Variants in OTOA observed in about 807,000 individuals in gnomAD.
The protein encoded by OTOA is otoancorin, also known as cancer/testis antigen 108.
In OTOA, 70 loss-of-function variants were observed where a neutral mutation model predicts 110.8. The ratio of observed to expected loss-of-function variants is 0.63; its 90% CI spans 0.52 to 0.77. The LOEUF is 0.77. Among genes scored for constraint, OTOA ranks in the 30% least tolerant of loss-of-function variants. OTOA has a pLI of 0.00. For missense variants in OTOA, 917 were observed against 1,075.8 expected (o/e 0.85, Z 2.06); for synonymous variants, 373 against 431.5 (o/e 0.86, Z 1.68).
chr16:21,702,519 C>G (rs1322782623), intron 11 of OTOA, among the ~76,000 whole-genome samples: 1 of 152,182 alleles, frequency 6.6e-6, no homozygotes, highest in East Asian at 1.9e-4. Context: ...CTGCTGCTTA[C>G]TAATGGTGTG....
intron 9 of OTOA, among the ~76,000 whole-genome samples, chr16:21,696,869 G>T (rs1339044678): frequency 6.6e-6 from 1 of 151,542 alleles, no homozygotes; most frequent in Non-Finnish European, 1.5e-5. Context: ...AAAATAACCT[G>T]CATTTCTTAT....
At chr16:21,713,865 A>G (rs1344540539) in intron 13 of OTOA, among the ~76,000 whole-genome samples, 1 of 152,184 alleles carries the variant, frequency 6.6e-6, no homozygotes, top group Non-Finnish European at 1.5e-5. Context: ...CTGGGGCTCC[A>G]TGGGTCCACC....
intron 21 of OTOA, among the ~76,000 whole-genome samples, chr16:21,733,648 G>C (rs1195637664): frequency 1.3e-5 from 2 of 150,010 alleles, no homozygotes; most frequent in Non-Finnish European, 3.0e-5. Context: ...CCCAAGTCTT[G>C]ACAAAGTGTA....
In OTOA at chr16:21,722,964, C is replaced by G; in HGVS notation, c.1866C>G (p.Leu622=). The G allele has an allele frequency of 6.2e-7, 1 of 1,614,134 alleles. No homozygotes were observed. Among genetic ancestry groups the G allele is most frequent in the South Asian group, 1.1e-5 (1 of 91,086 alleles). Reference sequence around the variant, plus strand: ...CCAGATTGTCTATGCCACCTTTCCTCTTGGCTGCACTCCCGTAAGTGAACA... The same window carrying G: ...CCAGATTGTCTATGCCACCTTTCCTGTTGGCTGCACTCCCGTAAGTGAACA... ...EVSRLSMPPF[L]LAALPARYLA... is the part of the protein sequence containing the mutation. Residue 622 remains leucine, a synonymous_variant, in exon 18 of 29, where the codon CTC becomes CTG. Transcript: ENST00000646100.
chr16:21,759,815 G>A (rs945721854), intron 28 of OTOA, among the ~76,000 whole-genome samples: 3 of 151,924 alleles, frequency 2.0e-5, no homozygotes, highest in African/African-American at 7.3e-5. Context: ...CAGAGGAATC[G>A]CTTGAACCTG....
intron 1 of OTOA, among the ~76,000 whole-genome samples, chr16:21,675,254 A>AT (rs2075583676): frequency 8.3e-6 from 1 of 120,470 alleles, no homozygotes; most frequent in Admixed American, 9.9e-5. Flanking sequence ...GGTTCAAGTG[A>AT]TTTTTGTGCC....
chr16:21,697,797 T>C lies in OTOA; in HGVS notation c.762T>C (p.Ser254=). 6.2e-7 allele frequency: 1 copy of C among 1,614,150 alleles called. No individual in the cohort carries two copies. Among genetic ancestry groups the C allele is most frequent in the Non-Finnish European group, 8.5e-7 (1 of 1,179,996 alleles). The change falls in exon 10 of 29, where the codon AGT becomes AGC. Residue 254 remains serine, a synonymous_variant. Coordinates refer to ENST00000646100, the MANE Select transcript of OTOA (RefSeq NM_144672.4). The part of the protein sequence containing the change: ...NATDDSASWV[S]AEHLWVLGRY... ...TAGATGACTCTGCTTCATGGGTCAG[T>C]GCGGAACACTTATGGGTTTTGGGCA... is the stretch of plus-strand genomic sequence containing the variant.
At chr16:21,695,215 T>C (rs1352425855) in intron 9 of OTOA, among the ~76,000 whole-genome samples, 3 of 120,550 alleles carry the variant, frequency 2.5e-5, no homozygotes, top group Admixed American at 9.6e-5. Flanking sequence ...GCCTGGGCAA[T>C]GTAGTGAGAC....
At chr16:21,678,420 A>G in intron 1 of OTOA, 91 bp from the exon 2 acceptor site, 1 of 782,148 alleles carries the variant, frequency 1.3e-6, no homozygotes, top group Middle Eastern at 3.9e-4. Flanking sequence ...ATATATATAT[A>G]TGTTTATATA....
At chr16:21,691,555 T>C in intron 8 of OTOA, 29 bp from the exon 9 acceptor site, 1 of 1,579,194 alleles carries the variant, frequency 6.3e-7, no homozygotes, top group South Asian at 1.1e-5. Flanking sequence ...TGCTTGTTAT[T>C]AGCTGATGCC....
intron 19 of OTOA, 96 bp downstream of exon 19, chr16:21,726,754 G>C (rs973320158): frequency 2.0e-6 from 3 of 1,524,878 alleles, no homozygotes; most frequent in South Asian, 1.1e-5. Flanking sequence ...TGAGCCTGCT[G>C]TGATGGCCAG....
At chr16:21,720,943 CAGG>C (rs1488517633) in intron 17 of OTOA, among the ~76,000 whole-genome samples, 4 of 109,774 alleles carry the variant, frequency 3.6e-5, no homozygotes, top group Non-Finnish European at 8.1e-5. Context: ...ATTATTGAGA[CAGG>C]ACCTTGCTCT....
chr16:21,667,610 A>G (rs1406694435), intron 1 of OTOA, among the ~76,000 whole-genome samples: 1 of 151,954 alleles, frequency 6.6e-6, no homozygotes, highest in Admixed American at 6.6e-5. Flanking sequence ...TAAAAAAAAA[A>G]AAACAATTAA....
chr16:21,722,431 A>G (rs1471082669), intron 17 of OTOA, among the ~76,000 whole-genome samples: 2 of 150,734 alleles, frequency 1.3e-5, no homozygotes, highest in East Asian at 1.9e-4. Flanking sequence ...AGCTATATAT[A>G]TAGTTTAACA....
intron 12 of OTOA, chr16:21,705,565 T>C: frequency 2.2e-6 from 1 of 460,580 alleles, no homozygotes; most frequent in South Asian, 2.1e-5. Context: ...ATCCCAGCAC[T>C]TTGGGAGGCC....
chr16:21,709,935 T>TGAGA lies in OTOA; in HGVS notation c.1153_1156dup (p.Thr386ArgfsTer55). 1 of 1,614,062 alleles carries TGAGA rather than the reference T, an allele frequency of 6.2e-7. No individual in the cohort carries two copies. Among genetic ancestry groups the TGAGA allele is most frequent in the South Asian group, 1.1e-5 (1 of 91,082 alleles). ...TTGCCATGGAGAACCAGACCCTCAA[T>TGAGA]GAGACCCTGGGTTCTTTGTCGGATG... On this transcript the variant is annotated frameshift_variant, in exon 13 of 29. Coordinates refer to ENST00000646100, the MANE Select transcript of OTOA (RefSeq NM_144672.4). LOFTEE classifies it high-confidence loss of function.
At chr16:21,683,772 AT>A (rs75007819) in intron 6 of OTOA, among the ~76,000 whole-genome samples, 120,354 of 144,216 alleles carry the variant, frequency 0.83, 50,384 homozygotes, top group African/African-American at 0.92. Context: ...ATAATGAGTG[AT>A]TTTTTTTTTT....
rs747827691 is a variant in OTOA at position 21,700,959 on chromosome 16, G to A, written c.912G>A (p.Leu304=). Residue 304 remains leucine, a synonymous_variant, in exon 11 of 29, where the codon CTG becomes CTA. Transcript: ENST00000646100. ...TGGTCTATGACATCACACCTGAGCTGGCCCAGGCGTTTCTGGAGAGGATCA... is the reference window on the plus strand; with the variant it reads ...TGGTCTATGACATCACACCTGAGCTAGCCCAGGCGTTTCTGGAGAGGATCA... ...LDMVYDITPE[L]AQAFLERISS... 2 of 1,614,036 alleles carry A rather than the reference G, an allele frequency of 1.2e-6. No homozygotes were observed. Among genetic ancestry groups the A allele is most frequent in the South Asian group, 2.2e-5 (2 of 91,072 alleles).
chr16:21,756,822 C>T (rs1384728202), intron 27 of OTOA, among the ~76,000 whole-genome samples: 2 of 149,658 alleles, frequency 1.3e-5, no homozygotes, highest in Admixed American at 6.7e-5. Flanking sequence ...TTTTATTTTG[C>T]GGCTCCTATT....
Sources: allele counts gnomAD v4.1 joint callset (sites outside exome capture counted in the v4.1 genomes callset), GRCh38; gene constraint gnomAD v4.1.1; transcripts MANE v1.5; gene names NCBI Gene and HGNC (gene_info 2026-07-23, HGNC 2026-07-21).